The following HEATR6 variants were observed in gnomAD, a reference collection of about 807,000 sequenced individuals.
HEATR6 encodes HEAT repeat-containing protein 6.
A neutral mutation model predicts 132.8 loss-of-function variants in HEATR6; 106 were observed. The observed-to-expected ratio is 0.80, with a 90% CI of 0.68 to 0.94. The LOEUF (loss-of-function observed/expected upper bound fraction) is 0.94. HEATR6 is among the 40% of genes least tolerant of loss of function. The probability of loss-of-function intolerance (pLI) is 0.00; values close to 1 mark genes in which losing one functional copy is unlikely to be tolerated. For synonymous variants in HEATR6, 529 were observed against 537.8 expected, an observed-to-expected ratio of 0.98 and a Z score of 0.23; for missense variants, 1,339 against 1,425.1, an observed-to-expected ratio of 0.94 and a Z score of 0.97.
intron 6 of HEATR6, 143 bp from the exon 7 acceptor site, chr17:60,069,991 T>C: frequency 1.0e-6 from 1 of 994,220 alleles, no homozygotes; most frequent in South Asian, 1.9e-5. Flanking sequence ...ACTAAGGAAA[T>C]ATAAATGAGA....
At chr17:60,067,994 A>C (rs2083251596) in intron 7 of HEATR6, among the ~76,000 whole-genome samples, 1 of 152,208 alleles carries the variant, frequency 6.6e-6, no homozygotes, top group Non-Finnish European at 1.5e-5. Flanking sequence ...TTTAAATTGT[A>C]CCTCTGTGCC....
intron 11 of HEATR6, 126 bp downstream of exon 11, chr17:60,059,296 A>C (rs1420934043): frequency 1.8e-6 from 1 of 559,278 alleles, no homozygotes; most frequent in Non-Finnish European, 3.1e-6. Context: ...GAGAAGAATA[A>C]GCAGAGATCT....
intron 1 of HEATR6, among the ~76,000 whole-genome samples, chr17:60,078,108 G>A (rs888550548): frequency 6.6e-6 from 1 of 152,186 alleles, no homozygotes; most frequent in Admixed American, 6.5e-5. Flanking sequence ...TCTTTCCTAC[G>A]TAGGGCCAGA....
chr17:60,066,349 AAACT>A lies in HEATR6; in HGVS notation c.1272_1275del (p.Leu424PhefsTer7). On this transcript the variant is annotated frameshift_variant, in exon 9 of 20. Coordinates refer to ENST00000184956, the MANE Select transcript of HEATR6 (RefSeq NM_022070.5). LOFTEE classifies it high-confidence loss of function. Reference sequence around the variant, plus strand: ...ATCGATTTTATAGTAGAAAGAAAACAAACTAAGGCTCCTTGGCGAACTTTAGCTT... The same window carrying A: ...ATCGATTTTATAGTAGAAAGAAAACAAAGGCTCCTTGGCGAACTTTAGCTT... 6.2e-7 allele frequency: 1 copy of A among 1,612,920 alleles called. No individual in the cohort carries two copies. The highest frequency in any genetic ancestry group is 8.5e-7 in the Non-Finnish European group (1 of 1,179,690).
In HEATR6 at chr17:60,044,368, C is replaced by T. The variant is rs558025837; in HGVS notation, c.2975-234G>A. Among the ~76,000 whole-genome samples, 69 of 152,218 alleles carry T rather than the reference C, an allele frequency of 4.5e-4. 1 individual carries two copies. Among genetic ancestry groups the T allele is most frequent in the Non-Finnish European group, 4.1e-4 (28 of 68,036 alleles). On this transcript the variant is annotated intron_variant, in intron 19 of 19. Coordinates refer to ENST00000184956, the MANE Select transcript of HEATR6 (RefSeq NM_022070.5). Reference sequence around the variant, plus strand: ...TCTTTCCCTACCTCAGCCTGCCACACGCTTAGAGCCTCTGCTACCCAATAT... The same window carrying T: ...TCTTTCCCTACCTCAGCCTGCCACATGCTTAGAGCCTCTGCTACCCAATAT...
Position 60,055,544 on chromosome 17 carries a change from C to T in HEATR6, c.2260G>A (p.Ala754Thr). ...AAGACTGGTGCTCTCTGATCAGGTG[C>T]TGCAGTGGAGTCTGGTTTATACTGC... ...IQQYKPDSTA[A>T]PDQRAPVFLV... Residue 754 changes from alanine to threonine, a missense_variant, in exon 14 of 20, where the codon GCA becomes ACA. Transcript: ENST00000184956. 6.2e-7 allele frequency: 1 copy of T among 1,612,882 alleles called. No individual in the cohort carries two copies.
chr17:60,049,280 C>T (rs1846331707), intron 16 of HEATR6, among the ~76,000 whole-genome samples: 1 of 151,510 alleles, frequency 6.6e-6, no homozygotes, highest in Admixed American at 6.6e-5. Flanking sequence ...AGGTGCATAC[C>T]ACCATGCCTG....
chr17:60,073,959 C>T (rs1390591749), intron 2 of HEATR6, 73 bp from the exon 3 acceptor site: 4 of 1,539,246 alleles, frequency 2.6e-6, no homozygotes, highest in Admixed American at 3.9e-5. Flanking sequence ...CATGTATGCT[C>T]ACCTGAATCA....
rs189573427 is a variant in HEATR6, at chr17:60,060,513, C to T, written c.1417-417G>A. On this transcript the variant is annotated intron_variant, in intron 9 of 19. Coordinates refer to ENST00000184956, the MANE Select transcript of HEATR6 (RefSeq NM_022070.5). The stretch of plus-strand genomic sequence containing the variant: ...GAAATAAATCTAAGCTACACCATAG[C>T]ACAAAAATCTGAAATCCTAAGCATG... Among the ~76,000 whole-genome samples the T allele has an allele frequency of 1.7e-4, 26 of 152,204 alleles. No individual in the cohort carries two copies. The East Asian group carries it at 4.8e-3, about 28-fold the overall frequency.
chr17:60,076,057 A>G (rs1163988151), intron 2 of HEATR6, 73 bp downstream of exon 2: 87 of 852,370 alleles, frequency 1.0e-4, no homozygotes, highest in South Asian at 2.8e-5. Context: ...CCTACTACAG[A>G]TGTAGTATTT....
rs1241938398 is a variant in HEATR6 at position 60,048,265 on chromosome 17, T to G, written c.2671A>C (p.Met891Leu). The change falls in exon 17 of 20, where the codon ATG (methionine) becomes CTG (leucine). Residue 891 changes from methionine to leucine, a missense_variant and splice_region_variant. Met to Leu is a conservative substitution (Grantham distance 15). Coordinates refer to ENST00000184956, the MANE Select transcript of HEATR6 (RefSeq NM_022070.5). ...GGGAAAGCAAGCTCAGTCACCTACA[T>G]GTTGACAATCAGAGTGTCTGTCAGG... ...GNLTDTLIVN[M>L]ETPDPSFQEE... 6.2e-7 allele frequency: 1 copy of G among 1,612,520 alleles called. No individual in the cohort carries two copies. Among genetic ancestry groups the G allele is most frequent in the African/African-American group, 1.3e-5 (1 of 74,898 alleles).
chr17:60,044,890 T>G (rs1276257711), intron 19 of HEATR6, among the ~76,000 whole-genome samples: 2 of 152,236 alleles, frequency 1.3e-5, no homozygotes, highest in Non-Finnish European at 2.9e-5. Flanking sequence ...CTGCTAGAGC[T>G]ATGAGACACT....
At chr17:60,067,209 G>T (rs921758468) in intron 8 of HEATR6, among the ~76,000 whole-genome samples, 1 of 147,020 alleles carries the variant, frequency 6.8e-6, no homozygotes, top group Non-Finnish European at 1.5e-5. Context: ...GGCGGAGCTT[G>T]CAGTGAGCCG....
intron 15 of HEATR6, 91 bp from the exon 16 acceptor site, chr17:60,049,793 G>A: frequency 7.0e-7 from 1 of 1,433,918 alleles, no homozygotes; most frequent in Non-Finnish European, 9.6e-7. Flanking sequence ...CTGTGTCTGA[G>A]ACCATAATCA....
At chr17:60,050,693 G>C in intron 15 of HEATR6, 150 bp downstream of exon 15, 1 of 863,770 alleles carries the variant, frequency 1.2e-6, no homozygotes, top group Admixed American at 2.6e-5. Flanking sequence ...CCTATTTGCT[G>C]TTCCCCAGTG....
Position 60,059,522 on chromosome 17 carries a change from C to T in HEATR6, c.1624-1G>A. The stretch of plus-strand genomic sequence containing the variant: ...CATTTGATACTAAATTTGCAAGGCA[C>T]TGTAAAACACAAAAAGTAGCTCATC... On this transcript the variant is annotated splice_acceptor_variant, in intron 10 of 19. Transcript: ENST00000184956. LOFTEE classifies it high-confidence loss of function. The T allele has an allele frequency of 6.2e-7, 1 of 1,601,624 alleles. No homozygotes were observed. Among genetic ancestry groups the T allele is most frequent in the Non-Finnish European group, 8.5e-7 (1 of 1,171,456 alleles).
chr17:60,049,207 C>A (rs2145182147), intron 16 of HEATR6, among the ~76,000 whole-genome samples: 1 of 150,574 alleles, frequency 6.6e-6, no homozygotes, highest in East Asian at 2.0e-4. Flanking sequence ...CTGCTCATTA[C>A]AACCTTCACA....
chr17:60,055,649 GACTTC>G (rs1568617682), intron 13 of HEATR6, 48 bp from the exon 14 acceptor site: 2 of 1,339,626 alleles, frequency 1.5e-6, no homozygotes, highest in Admixed American at 3.7e-5. Context: ...ACTAATGAAT[GACTTC>G]ACTTGAGTAA....
chr17:60,072,688 G>A (rs528553265), intron 4 of HEATR6, among the ~76,000 whole-genome samples: 2 of 152,252 alleles, frequency 1.3e-5, no homozygotes, highest in East Asian at 1.9e-4. Flanking sequence ...CTTCCTACTC[G>A]CTGGACAGCA....
Sources: allele counts gnomAD v4.1 joint callset (sites outside exome capture counted in the v4.1 genomes callset), GRCh38; gene constraint gnomAD v4.1.1; transcripts MANE v1.5; gene names NCBI Gene and HGNC (gene_info 2026-07-23, HGNC 2026-07-21).